The following RAB3C variants were observed in gnomAD, a reference collection of about 807,000 sequenced individuals.
The protein encoded by RAB3C is ras-related protein Rab-3C.
A neutral mutation model predicts 26.4 loss-of-function variants in RAB3C; 17 were observed. The observed-to-expected ratio is 0.64, with a 90% CI of 0.44 to 0.97. The LOEUF (loss-of-function observed/expected upper bound fraction) is 0.97. Ranked by LOEUF, RAB3C falls within the 50% of genes least tolerant of loss-of-function variation. The pLI, the probability that RAB3C is intolerant of heterozygous loss-of-function variation, is 0.00. For missense variants in RAB3C, 242 were observed against 281.9 expected, an observed-to-expected ratio of 0.86 and a Z score of 1.01; for synonymous variants, 91 against 95.9, an observed-to-expected ratio of 0.95 and a Z score of 0.30.
chr5:58,722,510 G>A (rs1241001929), intron 2 of RAB3C, among the ~76,000 whole-genome samples: 1 of 151,674 alleles, frequency 6.6e-6, no homozygotes, highest in Non-Finnish European at 1.5e-5. Flanking sequence ...TAGATAATAT[G>A]TTCTGGAAAA....
intron 3 of RAB3C, among the ~76,000 whole-genome samples, chr5:58,793,586 T>TTC (rs1742578699): frequency 6.6e-6 from 1 of 151,476 alleles, no homozygotes; most frequent in Admixed American, 6.6e-5. Context: ...TGCCACTTTT[T>TTC]TTTTTTTTGC....
chr5:58,818,944 T>A (rs1743278495), intron 3 of RAB3C, among the ~76,000 whole-genome samples: 1 of 152,180 alleles, frequency 6.6e-6, no homozygotes, highest in Non-Finnish European at 1.5e-5. Context: ...GGTCATTTAC[T>A]CCCAGTTAAA....
chr5:58,693,890 A>G (rs1165121802), intron 2 of RAB3C, among the ~76,000 whole-genome samples: 1 of 152,048 alleles, frequency 6.6e-6, no homozygotes, highest in Non-Finnish European at 1.5e-5. Context: ...AACCCAGTCC[A>G]TCCAACTATC....
intron 3 of RAB3C, among the ~76,000 whole-genome samples, chr5:58,792,619 A>G (rs1742553556): frequency 6.6e-6 from 1 of 152,098 alleles, no homozygotes; most frequent in Non-Finnish European, 1.5e-5. Flanking sequence ...AAGGGGAGTG[A>G]TAGTATACCT....
chr5:58,720,956 CTG>C (rs1740734808), intron 2 of RAB3C, among the ~76,000 whole-genome samples: 1 of 151,768 alleles, frequency 6.6e-6, no homozygotes, highest in Non-Finnish European at 1.5e-5. Flanking sequence ...AGTTTTAAAA[CTG>C]AATGTTATTT....
chr5:58,588,507 C>T (rs1426892455), intron 1 of RAB3C, among the ~76,000 whole-genome samples: 4 of 151,972 alleles, frequency 2.6e-5, no homozygotes, highest in Non-Finnish European at 4.4e-5. Context: ...ATATATCTTC[C>T]CTTGTGAATC....
At chr5:58,673,352 A>G (rs1278736192) in intron 2 of RAB3C, among the ~76,000 whole-genome samples, 2 of 152,060 alleles carry the variant, frequency 1.3e-5, no homozygotes, top group African/African-American at 4.8e-5. Flanking sequence ...CAGAGACCCA[A>G]TTCAAAGTTT....
chr5:58,670,015 T>A (rs1748080848), intron 2 of RAB3C, among the ~76,000 whole-genome samples: 1 of 152,214 alleles, frequency 6.6e-6, no homozygotes, highest in Non-Finnish European at 1.5e-5. Context: ...TCTGCATGAA[T>A]ATTTTCTTAT....
chr5:58,754,873 C>G (rs1185376301), intron 3 of RAB3C, among the ~76,000 whole-genome samples: 1 of 135,550 alleles, frequency 7.4e-6, no homozygotes, highest in Non-Finnish European at 1.6e-5. Flanking sequence ...ACATCTAAAT[C>G]TCCTTATTCT....
At chr5:58,615,703 T>C (rs1037106527) in intron 1 of RAB3C, among the ~76,000 whole-genome samples, 6 of 152,292 alleles carry the variant, frequency 3.9e-5, no homozygotes, top group African/African-American at 1.4e-4. Context: ...GCGTTTGTTA[T>C]AGGTTTTCAC....
At chr5:58,602,475 G>A (rs1451941922) in intron 1 of RAB3C, among the ~76,000 whole-genome samples, 5 of 152,080 alleles carry the variant, frequency 3.3e-5, no homozygotes, top group Admixed American at 6.5e-5. Context: ...GTACTGTGTT[G>A]CTATCTATCT....
intron 2 of RAB3C, among the ~76,000 whole-genome samples, chr5:58,710,736 A>G (rs1205459398): frequency 6.6e-6 from 1 of 152,020 alleles, no homozygotes; most frequent in Non-Finnish European, 1.5e-5. Flanking sequence ...AGAGGCAGCC[A>G]TTTTATCCTC....
chr5:58,800,240 T>C (rs777769804), intron 3 of RAB3C, among the ~76,000 whole-genome samples: 11 of 152,240 alleles, frequency 7.2e-5, no homozygotes, highest in Non-Finnish European at 1.5e-4. Flanking sequence ...TCTTTGGTGG[T>C]TATGAGAAGC....
chr5:58,808,164 G>T (rs1159967183), intron 3 of RAB3C, among the ~76,000 whole-genome samples: 3 of 149,212 alleles, frequency 2.0e-5, no homozygotes, highest in African/African-American at 2.5e-5. Context: ...GGCAGAGCTT[G>T]CAGTGAGCAG....
intron 2 of RAB3C, 40 bp from the exon 3 acceptor site, chr5:58,725,962 C>T: frequency 4.1e-6 from 5 of 1,217,288 alleles, no homozygotes; most frequent in Non-Finnish European, 5.8e-6. Flanking sequence ...AATGTATTGC[C>T]TTATTTCTGA....
At chr5:58,772,041 G>A (rs1742040932) in intron 3 of RAB3C, among the ~76,000 whole-genome samples, 1 of 151,994 alleles carries the variant, frequency 6.6e-6, no homozygotes, top group Admixed American at 6.6e-5. Flanking sequence ...TATGCTAGGT[G>A]GTTGCACTGG....
At chr5:58,702,762 A>G (rs973357343) in intron 2 of RAB3C, among the ~76,000 whole-genome samples, 50 of 152,332 alleles carry the variant, frequency 3.3e-4, no homozygotes, top group Admixed American at 1.7e-3. Flanking sequence ...ATTTGAAAAT[A>G]CAGAAGAATA....
intron 3 of RAB3C, chr5:58,741,978 T>C (rs1200321997): frequency 6.6e-6 from 1 of 150,934 alleles, no homozygotes; most frequent in Non-Finnish European, 1.5e-5. Context: ...CACTCCATCC[T>C]GGACAACACA....
At chr5:58,752,988 G>A (rs1244191971) in intron 3 of RAB3C, among the ~76,000 whole-genome samples, 1 of 151,766 alleles carries the variant, frequency 6.6e-6, no homozygotes, top group Non-Finnish European at 1.5e-5. Flanking sequence ...AATTTTAGCA[G>A]AGACCTTAAA....
Sources: allele counts gnomAD v4.1 joint callset (sites outside exome capture counted in the v4.1 genomes callset), GRCh38; gene constraint gnomAD v4.1.1; transcripts MANE v1.5; gene names NCBI Gene and HGNC (gene_info 2026-07-23, HGNC 2026-07-21).